The following RNF10 variants were observed in gnomAD, a reference collection of about 807,000 sequenced individuals.
RNF10 encodes ring finger protein 10, also known as E3 ubiquitin-protein ligase RNF10.
A neutral mutation model predicts 91.4 loss-of-function variants in RNF10; 38 were observed. That is an observed-to-expected ratio of 0.42 (90% CI 0.32 to 0.54). The LOEUF (loss-of-function observed/expected upper bound fraction) is 0.54. Ranked by LOEUF, RNF10 falls within the 20% of genes least tolerant of loss-of-function variation. The probability of loss-of-function intolerance (pLI) is 0.16; values close to 1 mark genes in which losing one functional copy is unlikely to be tolerated. For missense variants in RNF10, 945 were observed against 1,012.0 expected (o/e 0.93, Z 0.90); for synonymous variants, 364 against 366.3 (o/e 0.99, Z 0.07).
At chr12:120,551,291 T>G (rs75841500) in intron 2 of RNF10, among the ~76,000 whole-genome samples, 1 of 27,450 alleles carries the variant, frequency 3.6e-5, no homozygotes, top group Non-Finnish European at 1.3e-4. Flanking sequence ...CATCCTAGTG[T>G]TTTTTTTTTT....
intron 1 of RNF10, among the ~76,000 whole-genome samples, chr12:120,537,808 T>G (rs1871051515): frequency 1.3e-5 from 2 of 152,290 alleles, no homozygotes; most frequent in South Asian, 4.1e-4. Context: ...GCCAAATCCA[T>G]GCTTCTTCAC....
chr12:120,569,120 C>T (rs1265065504), intron 13 of RNF10, among the ~76,000 whole-genome samples: 1 of 152,008 alleles, frequency 6.6e-6, no homozygotes. Flanking sequence ...CAGGCATATG[C>T]CACCATGCCT....
intron 13 of RNF10, among the ~76,000 whole-genome samples, chr12:120,569,800 T>C (rs1352015512): frequency 1.3e-5 from 2 of 151,550 alleles, no homozygotes; most frequent in South Asian, 2.1e-4. Flanking sequence ...GGCCTCCCAG[T>C]GTGCTGGGAT....
Position 120,566,845 on chromosome 12 carries a change from C to T in RNF10, c.1906C>T (p.Leu636Phe). Residue 636 changes from leucine to phenylalanine, a missense_variant, in exon 13 of 17, where the codon CTC (leucine) becomes TTC (phenylalanine). Transcript: ENST00000325954. ...QGKYPEVHIP[L>F]ENLQQFPAFN... ...TGCAGACCCAGAAGTCCACATTCCC[C>T]TCGAGAATCTACAGCAGTTTCCTGC... 1.2e-6 allele frequency: 2 copies of T among 1,613,794 alleles called. No individual in the cohort carries two copies. The highest frequency in any genetic ancestry group is 1.7e-6 in the Non-Finnish European group (2 of 1,179,886).
rs779188232 is a variant in RNF10 at position 120,563,643 on chromosome 12, G to C, written c.1531+20G>C. The stretch of plus-strand genomic sequence containing the variant: ...ACCAAGGTGAGGGTGCCGGAAGAGA[G>C]GGCTGGGTTGCCGCAGAGGTGTTTC... On this transcript the variant is annotated intron_variant, in intron 9 of 16. Coordinates refer to ENST00000325954, the MANE Select transcript of RNF10 (RefSeq NM_014868.5). 3.8e-6 allele frequency: 6 copies of C among 1,580,788 alleles called. No individual in the cohort carries two copies. Among genetic ancestry groups the C allele is most frequent in the African/African-American group, 1.3e-5 (1 of 74,204 alleles).
chr12:120,544,372 A>AT (rs1328673676), intron 1 of RNF10, among the ~76,000 whole-genome samples: 2 of 151,530 alleles, frequency 1.3e-5, no homozygotes, highest in Non-Finnish European at 2.9e-5. Flanking sequence ...AAAAAAAAAA[A>AT]ATTGGCTGGG....
At chr12:120,543,492 C>T (rs1871863788) in intron 1 of RNF10, among the ~76,000 whole-genome samples, 2 of 151,854 alleles carry the variant, frequency 1.3e-5, no homozygotes, top group African/African-American at 4.8e-5. Flanking sequence ...AGTGAGACCC[C>T]CGTCTGCACA....
intron 10 of RNF10, 107 bp downstream of exon 10, chr12:120,564,050 T>TCTACTATTTCAGGCCAAG: frequency 1.5e-6 from 2 of 1,306,222 alleles, no homozygotes; most frequent in East Asian, 4.6e-5. Flanking sequence ...CCTTTAGTTT[T>TCTACTATTTCAGGCCAAG]TGTATTTTTA....
intron 7 of RNF10, 32 bp from the exon 8 acceptor site, chr12:120,562,913 A>C (rs1213631605): frequency 6.2e-7 from 1 of 1,613,230 alleles, no homozygotes. Context: ...TGGAAACTTA[A>C]CCTTCTCTGG....
At chr12:120,536,915 A>G (rs992884073) in intron 1 of RNF10, among the ~76,000 whole-genome samples, 1 of 152,220 alleles carries the variant, frequency 6.6e-6, no homozygotes, top group Non-Finnish European at 1.5e-5. Flanking sequence ...TAAAACAAAC[A>G]AACAGGTATT....
rs1242311704 is a variant in RNF10, at chr12:120,552,704, T to C, written c.554+6T>C. The C allele has an allele frequency of 6.2e-7, 1 of 1,612,668 alleles. No individual in the cohort carries two copies. Among genetic ancestry groups the C allele is most frequent in the African/African-American group, 1.3e-5 (1 of 74,974 alleles). ...GAACTCTTTTTACAGGCCAAGTGAGTATTGCTACCCCTCAGAGGAAAGGGA... is the reference window on the plus strand; with the variant it reads ...GAACTCTTTTTACAGGCCAAGTGAGCATTGCTACCCCTCAGAGGAAAGGGA... On this transcript the variant is annotated splice_donor_region_variant and intron_variant, in intron 3 of 16. Transcript: ENST00000325954.
Position 120,563,492 on chromosome 12 carries a change from G to T in RNF10, c.1400G>T (p.Cys467Phe). 6.2e-7 allele frequency: 1 copy of T among 1,614,192 alleles called. No individual in the cohort carries two copies. The highest frequency in any genetic ancestry group is 1.1e-5 in the South Asian group (1 of 91,080). The change falls in exon 9 of 17, where the codon TGT becomes TTT. Residue 467 changes from cysteine (C) to phenylalanine (F), a missense_variant. Physicochemically the swap from Cys to Phe is radical, Grantham distance 205. Transcript: ENST00000325954. ...EPEPEGLPEA[C>F]DDLELADDNL... Reference sequence around the variant, plus strand: ...GAGCCTGAGGGGTTGCCAGAGGCCTGTGATGACTTGGAGTTAGCAGATGAC... The same window carrying T: ...GAGCCTGAGGGGTTGCCAGAGGCCTTTGATGACTTGGAGTTAGCAGATGAC...
chr12:120,569,461 C>T lies in RNF10; in HGVS notation c.2042-1730C>T, dbSNP rs181341161. ...GTTCTTGAGGACTGCACTACTGTGA[C>T]GCTCTTCTGCTTAACTGAAAAAGGA... On this transcript the variant is annotated intron_variant, in intron 13 of 16. Coordinates refer to ENST00000325954, the MANE Select transcript of RNF10 (RefSeq NM_014868.5). Among the ~76,000 whole-genome samples, 17 of 151,540 alleles carry T rather than the reference C, an allele frequency of 1.1e-4. No homozygotes were observed. The East Asian group carries it at 1.4e-3, about 12-fold the overall frequency.
At chr12:120,569,062 C>A (rs563662565) in intron 13 of RNF10, among the ~76,000 whole-genome samples, 2 of 152,308 alleles carry the variant, frequency 1.3e-5, no homozygotes, top group African/African-American at 4.8e-5. Flanking sequence ...CCTCTGCCTC[C>A]TGGGTTCAAG....
intron 13 of RNF10, 108 bp from the exon 14 acceptor site, chr12:120,571,079 TGAGG>T (rs1876549260): frequency 1.5e-6 from 1 of 668,272 alleles, no homozygotes; most frequent in Non-Finnish European, 2.6e-6. Context: ...TTTTTTTTTT[TGAGG>T]GGATGATTTG....
At position 120,572,159 on chromosome 12, in the gene RNF10, C is replaced by T. The variant is rs890895206; in HGVS notation, c.2142+868C>T. 2.6e-5 allele frequency among the ~76,000 whole-genome samples: 4 copies of T among 152,076 alleles called. No homozygotes were observed. The East Asian group carries it at 5.8e-4, about 22-fold the overall frequency. ...TTGGCTTGCTGTAAGCTCCGCCTCC[C>T]GGGTTCACGCCATTCTCCTGCCTCA... On this transcript the variant is annotated intron_variant, in intron 14 of 16. Coordinates refer to ENST00000325954, the MANE Select transcript of RNF10 (RefSeq NM_014868.5).
chr12:120,569,214 C>T (rs972832488), intron 13 of RNF10, among the ~76,000 whole-genome samples: 57 of 152,294 alleles, frequency 3.7e-4, no homozygotes, highest in African/African-American at 1.2e-3. Context: ...GGTGATCCGC[C>T]AGCTGACCTC....
At position 120,563,388 on chromosome 12, in the gene RNF10, G is replaced by A. The variant is rs151315852; in HGVS notation, c.1296G>A (p.Thr432=). ...EYLSAFDEET[T]EVCSLDTPSR... ...TGTCTGCCTTCGATGAAGAAACCAC[G>A]GAAGTTTGTTCTCTGGACACTCCTT... Residue 432 remains threonine (T), a synonymous_variant, in exon 9 of 17, where the codon ACG becomes ACA. Transcript: ENST00000325954. 3.7e-5 allele frequency: 60 copies of A among 1,613,716 alleles called. No homozygotes were observed. The highest frequency in any genetic ancestry group is 5.0e-5 in the Non-Finnish European group (59 of 1,179,976).
In RNF10 at chr12:120,571,307, G is replaced by T. The variant is rs1247887789; in HGVS notation, c.2142+16G>T. On this transcript the variant is annotated intron_variant, in intron 14 of 16. Transcript: ENST00000325954. ...CTTTGCCCAGGTAAATCCTTTGCTT[G>T]TGAAGCAGCCCAGGGGTATTTAACA... 6.4e-7 allele frequency: 1 copy of T among 1,565,470 alleles called. No individual in the cohort carries two copies. The highest frequency in any genetic ancestry group is 2.2e-5 in the East Asian group (1 of 44,622).
Sources: gnomAD v4.1 joint callset for allele counts (sites outside exome capture counted in the v4.1 genomes callset) on GRCh38, gnomAD v4.1.1 for gene constraint, MANE v1.5 for transcripts, NCBI Gene and HGNC (gene_info 2026-07-23, HGNC 2026-07-21) for gene names.